The following MAPRE3 variants were observed in gnomAD, a reference collection of about 807,000 sequenced individuals.
MAPRE3 encodes the protein microtubule-associated protein RP/EB family member 3.
A neutral mutation model predicts 30.5 loss-of-function variants in MAPRE3; 2 were observed. That is an observed-to-expected ratio of 0.07 (90% CI 0.03 to 0.21). MAPRE3 has a LOEUF of 0.21. MAPRE3 is among the 10% of genes least tolerant of loss of function. The pLI is 1.00. For synonymous variants in MAPRE3, 110 were observed against 127.7 expected (o/e 0.86, Z 0.93); for missense variants, 204 against 351.8 (o/e 0.58, Z 3.36).
intron 1 of MAPRE3, among the ~76,000 whole-genome samples, chr2:26,982,236 T>G (rs1162719042): frequency 6.6e-6 from 1 of 152,258 alleles, no homozygotes; most frequent in Non-Finnish European, 1.5e-5. Context: ...TTGTGGTCTT[T>G]ATTCCACCTG....
Position 27,024,146 on chromosome 2 carries a change from G to A in MAPRE3, c.318G>A (p.Glu106=). 6.2e-7 allele frequency: 1 copy of A among 1,614,206 alleles called. No individual in the cohort carries two copies. The highest frequency in any genetic ancestry group is 2.2e-5 in the East Asian group (1 of 44,892). ...LVKGKFQDNF[E]FIQWFKKFFD... ...AAGGAAAATTCCAAGATAATTTTGA[G>A]TTTATTCAGTGGTTTAAGAAATTCT... Residue 106 remains glutamate (E), a synonymous_variant, in exon 4 of 7, where the codon GAG becomes GAA. Coordinates refer to ENST00000233121, the MANE Select transcript of MAPRE3 (RefSeq NM_012326.4).
intron 6 of MAPRE3, 65 bp downstream of exon 6, chr2:27,026,097 T>C: frequency 6.3e-7 from 1 of 1,590,308 alleles, no homozygotes; most frequent in Non-Finnish European, 8.6e-7. Context: ...AGAAGCGCGA[T>C]AGGGCCAGAA....
At chr2:26,973,510 C>T (rs962424173) in intron 1 of MAPRE3, among the ~76,000 whole-genome samples, 2 of 151,782 alleles carry the variant, frequency 1.3e-5, no homozygotes, top group African/African-American at 4.8e-5. Context: ...TGAATTTAGC[C>T]GAGTAACATT....
chr2:26,979,928 G>A (rs1666080725), intron 1 of MAPRE3, among the ~76,000 whole-genome samples: 1 of 152,172 alleles, frequency 6.6e-6, no homozygotes. Context: ...TGATCTCATA[G>A]AACCGGAAGC....
At chr2:26,971,581 G>C (rs1461927998) in intron 1 of MAPRE3, among the ~76,000 whole-genome samples, 1 of 152,146 alleles carries the variant, frequency 6.6e-6, no homozygotes, top group East Asian at 1.9e-4. Flanking sequence ...TTCCGGTGTG[G>C]TGTTGTGAAT....
chr2:27,007,377 G>A (rs746945001), intron 1 of MAPRE3, among the ~76,000 whole-genome samples: 8 of 152,158 alleles, frequency 5.3e-5, no homozygotes, highest in Non-Finnish European at 1.2e-4. Context: ...TCATTAGCCC[G>A]GATTCTTCTT....
intron 1 of MAPRE3, among the ~76,000 whole-genome samples, chr2:26,996,111 T>C (rs1303562847): frequency 8.6e-6 from 1 of 116,046 alleles, no homozygotes; most frequent in Non-Finnish European, 1.9e-5. Context: ...CATTAGAAGA[T>C]AGGAATTTTA....
chr2:26,978,261 T>A (rs1159098986), intron 1 of MAPRE3, among the ~76,000 whole-genome samples: 1 of 152,236 alleles, frequency 6.6e-6, no homozygotes, highest in Admixed American at 6.5e-5. Flanking sequence ...AAGATCATAG[T>A]TGGGTCTAAG....
intron 1 of MAPRE3, among the ~76,000 whole-genome samples, chr2:27,010,248 A>T (rs1666819275): frequency 6.6e-6 from 1 of 152,238 alleles, no homozygotes; most frequent in Non-Finnish European, 1.5e-5. Context: ...ACTTTATTAT[A>T]TAAACACATT....
intron 1 of MAPRE3, among the ~76,000 whole-genome samples, chr2:26,975,503 T>C (rs1209185374): frequency 6.6e-6 from 1 of 152,186 alleles, no homozygotes; most frequent in Non-Finnish European, 1.5e-5. Flanking sequence ...AAAGTGAATT[T>C]AAATTCCTAG....
At chr2:27,003,559 TA>T (rs1280755919) in intron 1 of MAPRE3, among the ~76,000 whole-genome samples, 1 of 152,214 alleles carries the variant, frequency 6.6e-6, no homozygotes, top group Non-Finnish European at 1.5e-5. Flanking sequence ...CTCTGTCAGT[TA>T]CCATCACCAC....
chr2:26,996,879 G>A (rs1361263295), intron 1 of MAPRE3: 1 of 152,102 alleles, frequency 6.6e-6, no homozygotes, highest in Non-Finnish European at 1.5e-5. Flanking sequence ...TACCTGGAGG[G>A]AAAGTATCTA....
intron 1 of MAPRE3, among the ~76,000 whole-genome samples, chr2:27,013,634 C>G (rs2148221358): frequency 6.6e-6 from 1 of 152,268 alleles, no homozygotes; most frequent in Non-Finnish European, 1.5e-5. Flanking sequence ...TGAGCCAGTA[C>G]TAATTGAGGG....
rs1665895605 is a variant in MAPRE3, at chr2:26,970,688, G to C, written c.-122G>C. 1 of 152,332 alleles carries C rather than the reference G, an allele frequency of 6.6e-6. No individual in the cohort carries two copies. The highest frequency in any genetic ancestry group is 1.5e-5 in the Non-Finnish European group (1 of 68,118). 9.4% of individuals were successfully genotyped at this position (152,332 alleles called of 1,614,324 possible). A position where few individuals can be genotyped will look rare whatever the true frequency, so the allele number is the denominator to read the frequency against. On this transcript the variant is annotated 5_prime_UTR_variant, in exon 1 of 7. Transcript: ENST00000233121. Reference sequence around the variant, plus strand: ...TGCGTTGAAGCCGGAGACCGCGGCGGCCTCAGCGAGGACCCTCCGCCCCGG... The same window carrying C: ...TGCGTTGAAGCCGGAGACCGCGGCGCCCTCAGCGAGGACCCTCCGCCCCGG...
chr2:27,024,217 G>T lies in MAPRE3; in HGVS notation c.389G>T (p.Arg130Leu). Residue 130 changes from arginine to leucine, a missense_variant, in exon 4 of 7, where the codon CGG becomes CTG. This residue lies in a region of MAPRE3 where 101 missense variants were observed against 205.4 expected (regional missense o/e 0.49). Coordinates refer to ENST00000233121, the MANE Select transcript of MAPRE3 (RefSeq NM_012326.4). Reference sequence around the variant, plus strand: ...AAGGATTACAACCCTCTGCTGGCGCGGCAGGGCCAGGACGTAGCGCCACCT... The same window carrying T: ...AAGGATTACAACCCTCTGCTGGCGCTGCAGGGCCAGGACGTAGCGCCACCT... ...DGKDYNPLLA[R>L]QGQDVAPPPN... is the part of the protein sequence containing the mutation. The T allele has an allele frequency of 6.2e-7, 1 of 1,614,196 alleles. No homozygotes were observed. Among genetic ancestry groups the T allele is most frequent in the Non-Finnish European group, 8.5e-7 (1 of 1,180,018 alleles).
At chr2:27,001,717 C>T (rs1158013797) in intron 1 of MAPRE3, among the ~76,000 whole-genome samples, 4 of 152,108 alleles carry the variant, frequency 2.6e-5, no homozygotes, top group African/African-American at 9.7e-5. Context: ...TACATGTATA[C>T]ATACATACAT....
At chr2:26,972,384 C>T (rs1665932073) in intron 1 of MAPRE3, among the ~76,000 whole-genome samples, 1 of 152,254 alleles carries the variant, frequency 6.6e-6, no homozygotes, top group Non-Finnish European at 1.5e-5. Context: ...TCCCTGCCCC[C>T]ATGCCCATCA....
Position 27,022,300 on chromosome 2 carries a change from C to T in MAPRE3, c.82C>T (p.Leu28=). 6.2e-7 allele frequency: 1 copy of T among 1,614,116 alleles called. No homozygotes were observed. Among genetic ancestry groups the T allele is most frequent in the Non-Finnish European group, 8.5e-7 (1 of 1,179,990 alleles). The change falls in exon 2 of 7, where the codon CTG becomes TTG. Residue 28 remains leucine, a synonymous_variant. Transcript: ENST00000233121. ...TATGCTTGCATGGGTCAACGACTCCCTGCACCTCAACTATACCAAGATAGA... is the reference window on the plus strand; with the variant it reads ...TATGCTTGCATGGGTCAACGACTCCTTGCACCTCAACTATACCAAGATAGA... ...HDMLAWVNDS[L]HLNYTKIEQL... is the part of the protein sequence containing the mutation.
At chr2:27,018,542 AC>A (rs1667037679) in intron 1 of MAPRE3, among the ~76,000 whole-genome samples, 2 of 152,086 alleles carry the variant, frequency 1.3e-5, no homozygotes, top group African/African-American at 4.8e-5. Context: ...TGTGTGCATT[AC>A]TCTCCCCAAT....
Sources: gnomAD v4.1 joint callset for allele counts (sites outside exome capture counted in the v4.1 genomes callset) on GRCh38, gnomAD v4.1.1 for gene constraint, gnomAD v4.1.1 regional missense constraint, MANE v1.5 for transcripts, NCBI Gene and HGNC (gene_info 2026-07-23, HGNC 2026-07-21) for gene names.